DCBLD2: variants seen among roughly 807,000 people sequenced by gnomAD.
DCBLD2 encodes the protein discoidin, CUB and LCCL domain-containing protein 2.
DCBLD2 carries 54 observed loss-of-function variants against 86.8 expected under a neutral mutation model. The ratio of observed to expected loss-of-function variants is 0.62; its 90% CI spans 0.50 to 0.78. The LOEUF (loss-of-function observed/expected upper bound fraction) is 0.78, where lower values mean the gene tolerates loss of function less well. DCBLD2 is among the 30% of genes least tolerant of loss of function. DCBLD2 has a pLI of 0.00. For missense variants in DCBLD2, 908 were observed against 954.2 expected (o/e 0.95, Z 0.64); for synonymous variants, 354 against 341.3 (o/e 1.04, Z -0.41).
At chr3:98,811,683 G>A in intron 10 of DCBLD2, 129 bp from the exon 11 acceptor site, 1 of 863,258 alleles carries the variant, frequency 1.2e-6, no homozygotes, top group Non-Finnish European at 1.7e-6. Context: ...CTCTCAGAGA[G>A]AAATATATTG....
chr3:98,817,690 T>C, intron 9 of DCBLD2, 79 bp downstream of exon 9: 2 of 1,432,966 alleles, frequency 1.4e-6, no homozygotes, highest in Non-Finnish European at 1.9e-6. Context: ...CTACATCTCT[T>C]TTATACAGGA....
intron 3 of DCBLD2, among the ~76,000 whole-genome samples, chr3:98,844,033 T>TACACACACACACACAC (rs1942671317): frequency 2.3e-4 from 4 of 17,460 alleles, no homozygotes; most frequent in Non-Finnish European, 5.7e-4. Flanking sequence ...CAATCATGCA[T>TACACACACACACACAC]GCACACACAC....
chr3:98,839,180 C>CCT (rs1576174617), intron 3 of DCBLD2, among the ~76,000 whole-genome samples: 24 of 28,226 alleles, frequency 8.5e-4, no homozygotes, highest in African/African-American at 4.1e-3. Flanking sequence ...TCCTTTCTTT[C>CCT]TTCCTTCCTT....
intron 3 of DCBLD2, among the ~76,000 whole-genome samples, chr3:98,829,975 G>A (rs937430342): frequency 6.6e-6 from 1 of 152,110 alleles, no homozygotes; most frequent in African/African-American, 2.4e-5. Context: ...GTTTTGATTT[G>A]TATTTCTCTA....
chr3:98,863,884 G>C (rs866975956), intron 2 of DCBLD2, among the ~76,000 whole-genome samples: 1 of 152,136 alleles, frequency 6.6e-6, no homozygotes, highest in South Asian at 2.1e-4. Flanking sequence ...AAGAGCTTCT[G>C]CACAGCAAAA....
intron 2 of DCBLD2, among the ~76,000 whole-genome samples, chr3:98,870,741 GAA>G (rs1559794428): frequency 2.1e-5 from 1 of 47,400 alleles, no homozygotes; most frequent in Non-Finnish European, 4.2e-5. Context: ...GAAAGAAAAA[GAA>G]AGAAAGAAAG....
chr3:98,885,636 C>T (rs941190744), intron 1 of DCBLD2, among the ~76,000 whole-genome samples: 7 of 151,952 alleles, frequency 4.6e-5, no homozygotes, highest in Non-Finnish European at 8.8e-5. Flanking sequence ...AAATGTGTTT[C>T]CAGTTTATTT....
chr3:98,890,386 T>C (rs534697641), intron 1 of DCBLD2: 1 of 152,106 alleles, frequency 6.6e-6, no homozygotes, highest in East Asian at 1.9e-4. Context: ...GAGATAAGGA[T>C]CCTACCTTAG....
chr3:98,824,966 A>AT (rs1942189732), intron 4 of DCBLD2, among the ~76,000 whole-genome samples: 1 of 151,972 alleles, frequency 6.6e-6, no homozygotes, highest in Non-Finnish European at 1.5e-5. Context: ...GCAGAATTCT[A>AT]TAACAGCCAA....
chr3:98,864,819 AC>A (rs34754410), intron 2 of DCBLD2, among the ~76,000 whole-genome samples: 9,287 of 152,142 alleles, frequency 0.061, 344 homozygotes, highest in Non-Finnish European at 0.071. Context: ...AAACCTGCAC[AC>A]TGTGCACACG....
At chr3:98,875,681 A>G (rs1943355848) in intron 2 of DCBLD2, among the ~76,000 whole-genome samples, 1 of 152,182 alleles carries the variant, frequency 6.6e-6, no homozygotes, top group Admixed American at 6.5e-5. Context: ...CCTTTACAAA[A>G]CAGTCACATT....
chr3:98,894,882 T>C (rs1376427687), intron 1 of DCBLD2, among the ~76,000 whole-genome samples: 1 of 151,984 alleles, frequency 6.6e-6, no homozygotes, highest in African/African-American at 2.4e-5. Flanking sequence ...TAAAACTCTC[T>C]CCGCTGGCAG....
At chr3:98,841,700 G>C (rs759458354) in intron 3 of DCBLD2, among the ~76,000 whole-genome samples, 8 of 152,156 alleles carry the variant, frequency 5.3e-5, no homozygotes, top group Non-Finnish European at 1.0e-4. Flanking sequence ...CAATAAGTTG[G>C]TATAATGACA....
intron 2 of DCBLD2, among the ~76,000 whole-genome samples, chr3:98,860,602 G>T (rs534912559): frequency 6.6e-6 from 1 of 152,324 alleles, no homozygotes; most frequent in East Asian, 1.9e-4. Flanking sequence ...TTTCAACCCG[G>T]AATTTCATAT....
intron 1 of DCBLD2, among the ~76,000 whole-genome samples, chr3:98,891,727 C>G (rs116245914): frequency 2.7e-3 from 416 of 152,202 alleles, no homozygotes; most frequent in Middle Eastern, 0.027. Flanking sequence ...TAGGTGACTC[C>G]CCACATGCTC....
intron 13 of DCBLD2, among the ~76,000 whole-genome samples, chr3:98,806,626 G>T (rs947258047): frequency 6.6e-6 from 1 of 152,008 alleles, no homozygotes; most frequent in African/African-American, 2.4e-5. Context: ...TAAGCTTTGG[G>T]GTTCATCACT....
chr3:98,875,230 A>G (rs1943348355), intron 2 of DCBLD2, among the ~76,000 whole-genome samples: 1 of 145,568 alleles, frequency 6.9e-6, no homozygotes. Flanking sequence ...GCAGAAAAAA[A>G]TCAACATACA....
chr3:98,866,419 G>A (rs1157077561), intron 2 of DCBLD2, among the ~76,000 whole-genome samples: 1 of 152,142 alleles, frequency 6.6e-6, no homozygotes, highest in Non-Finnish European at 1.5e-5. Flanking sequence ...GTGTGAGATG[G>A]TATCTCATTG....
chr3:98,849,365 A>T (rs1450118950), intron 3 of DCBLD2, 96 bp downstream of exon 3: 1 of 1,479,286 alleles, frequency 6.8e-7, no homozygotes, highest in Admixed American at 1.7e-5. Flanking sequence ...TTTCTGCTCT[A>T]TTCCAATTTC....
Sources: gnomAD v4.1 joint callset for allele counts (sites outside exome capture counted in the v4.1 genomes callset) on GRCh38, gnomAD v4.1.1 for gene constraint, MANE v1.5 for transcripts, NCBI Gene and HGNC (gene_info 2026-07-23, HGNC 2026-07-21) for gene names.